Variants in SFTPB observed in about 807,000 individuals in gnomAD.
SFTPB encodes surfactant protein B.
A neutral mutation model predicts 51.0 loss-of-function variants in SFTPB; 32 were observed. The ratio of observed to expected loss-of-function variants is 0.63; its 90% CI spans 0.47 to 0.84. SFTPB has a LOEUF of 0.84. Ranked by LOEUF, SFTPB falls within the 40% of genes least tolerant of loss-of-function variation. The pLI, the probability that SFTPB is intolerant of heterozygous loss-of-function variation, is 0.00. For missense variants in SFTPB, 431 were observed against 491.2 expected (o/e 0.88, Z 1.16); for synonymous variants, 211 against 208.5 (o/e 1.01, Z -0.10).
intron 4 of SFTPB, 171 bp downstream of exon 4, chr2:85,666,422 GTTGTGTGTGTGTGTGTGTGTGTGT>G (rs1677621222): frequency 6.1e-5 from 32 of 526,974 alleles, no homozygotes; most frequent in Non-Finnish European, 8.6e-5. Context: ...CAGCTGGGGT[GTTGTGTGTGTGTGTGTGTGTGTGT>G]CCGGCTGGCT....
intron 6 of SFTPB, 104 bp downstream of exon 6, chr2:85,665,185 C>T: frequency 5.4e-6 from 5 of 921,756 alleles, no homozygotes; most frequent in Non-Finnish European, 9.0e-6. Context: ...TTCTGGCAGC[C>T]AGCTGGGTCC....
In SFTPB at chr2:85,663,818, C is replaced by T. The variant is rs1370591893; in HGVS notation, c.702G>A (p.Val234=). Residue 234 remains valine, a synonymous_variant, in exon 7 of 11, where the codon GTG becomes GTA. Transcript: ENST00000519937. ...KGALAVAVAQ[V]CRVVPLVAGG... ...CCGCCACCAGAGGTACCACGCGGCA[C>T]ACCTGGGCCACTGCCACAGCTAGCG... The T allele has an allele frequency of 6.3e-7, 1 of 1,595,612 alleles. No individual in the cohort carries two copies. The highest frequency in any genetic ancestry group is 1.1e-5 in the South Asian group (1 of 88,748).
intron 5 of SFTPB, 85 bp from the exon 6 acceptor site, chr2:85,665,463 C>G (rs1677525662): frequency 1.4e-6 from 2 of 1,438,776 alleles, no homozygotes; most frequent in African/African-American, 2.8e-5. Context: ...TCCTCCCTTT[C>G]TCTCCCTCCT....
rs1456422077 is a variant in SFTPB, at chr2:85,661,920, G to A, written c.1083+109C>T. On this transcript the variant is annotated intron_variant, in intron 9 of 10. Transcript: ENST00000519937. ...CCCAGTCCCTGGCCCGTGCACCTGGGACCACCTTGGACCCAGGGGAGTGAG... is the reference window on the plus strand; with the variant it reads ...CCCAGTCCCTGGCCCGTGCACCTGGAACCACCTTGGACCCAGGGGAGTGAG... 3 of 1,066,162 alleles carry A rather than the reference G, an allele frequency of 2.8e-6. No homozygotes were observed. The African/African-American group carries it at 4.7e-5, about 17-fold the overall frequency. 66.0% of individuals were successfully genotyped at this position (1,066,162 alleles called of 1,614,324 possible).
Position 85,663,293 on chromosome 2 carries a change from C to G in SFTPB, c.1002+53G>C, listed in dbSNP as rs1677400207. 1.2e-5 allele frequency: 19 copies of G among 1,601,234 alleles called. No homozygotes were observed. In the South Asian group the frequency reaches 2.1e-4, roughly 18 times the overall value. On this transcript the variant is annotated intron_variant, in intron 8 of 10. Transcript: ENST00000519937. The stretch of plus-strand genomic sequence containing the variant: ...GCTGCAAAGCCTTTCCTGGGCTCAG[C>G]CTTCTGCCTTGAACGGGCCCTGACC...
In SFTPB at chr2:85,663,562, T is replaced by C. The variant is rs573093239; in HGVS notation, c.857-71A>G. The C allele has an allele frequency of 3.1e-6, 5 of 1,600,246 alleles. No homozygotes were observed. In the African/African-American group the frequency reaches 4.0e-5, roughly 13 times the overall value. ...AGAGGTGTTTGGTTTCTGTCCTCCT[T>C]GGTGCATTGCAGTGGGACCACAGAG... On this transcript the variant is annotated intron_variant, in intron 7 of 10. Transcript: ENST00000519937.
At chr2:85,668,210 C>A (rs1677755601), upstream of SFTPB, 1 of 1,550,364 alleles carries the variant, frequency 6.5e-7, no homozygotes, top group South Asian at 1.2e-5. Flanking sequence ...GGGTACCCTG[C>A]TTGGTGCATG....
At chr2:85,660,288 ATTTTTTTTT>A (rs60518418) in intron 10 of SFTPB, among the ~76,000 whole-genome samples, 51 of 80,562 alleles carry the variant, frequency 6.3e-4, no homozygotes, top group Admixed American at 9.9e-4. Context: ...CATCTGGCTA[ATTTTTTTTT>A]TTTTTTTTTT....
At chr2:85,666,246 TGTGTCTGG>T (rs1292169067) in intron 4 of SFTPB, among the ~76,000 whole-genome samples, 6 of 135,762 alleles carry the variant, frequency 4.4e-5, no homozygotes, top group African/African-American at 1.7e-4. Flanking sequence ...TGTGTGTGTG[TGTGTCTGG>T]CTGGCTGGGG....
intron 4 of SFTPB, among the ~76,000 whole-genome samples, chr2:85,666,214 GCT>G (rs1491508315): frequency 9.6e-6 from 1 of 104,226 alleles, no homozygotes; most frequent in Non-Finnish European, 2.0e-5. Context: ...CTGTGTGTGT[GCT>G]GTGTGTGTGT....
Position 85,657,544 on chromosome 2 carries a change from GC to G in SFTPB, c.*2157del, listed in dbSNP as rs1281405509. On this transcript the variant is annotated 3_prime_UTR_variant, in exon 11 of 11. Coordinates refer to ENST00000519937, the MANE Select transcript of SFTPB (RefSeq NM_000542.5). ...GGCGCTTGAACGGTGGAGGTGTGGA[GC>G]CAGAGGCTGTGGGGAGAAGATGGAA... 6.6e-6 allele frequency: 1 copy of G among 152,188 alleles called. No homozygotes were observed. The highest frequency in any genetic ancestry group is 6.5e-5 in the Admixed American group (1 of 15,274). The allele number at this position is 152,188 out of a possible 1,614,324, so 9.4% of individuals were successfully genotyped here.
rs1266354696 is a variant in SFTPB at position 85,668,104 on chromosome 2, G to T, written c.67+13C>A. 3.9e-6 allele frequency: 6 copies of T among 1,542,570 alleles called. No homozygotes were observed. Among genetic ancestry groups the T allele is most frequent in the Admixed American group, 3.9e-5 (2 of 50,938 alleles). ...GGAGCTGCCTAGGAGAGGGGAGGCT[G>T]GGGGAGACTCACCAGTGCCTGGGCC... On this transcript the variant is annotated intron_variant, in intron 1 of 10. Transcript: ENST00000519937.
intron 3 of SFTPB, 132 bp downstream of exon 3, chr2:85,666,974 G>T: frequency 2.1e-6 from 2 of 957,318 alleles, no homozygotes; most frequent in Non-Finnish European, 3.3e-6. Context: ...CAGCCAGGAG[G>T]AGCTGGGACT....
In SFTPB at chr2:85,665,985, C is replaced by T. The variant is rs34263487; in HGVS notation, c.394-191G>A. On this transcript the variant is annotated intron_variant, in intron 4 of 10. Coordinates refer to ENST00000519937, the MANE Select transcript of SFTPB (RefSeq NM_000542.5). ...GTGTGGGGACTTTAGGGCAGGTGGC[C>T]GGGATTGTGTGTGAATGAGCATGAG... Among the ~76,000 whole-genome samples the T allele has an allele frequency of 0.018, 2,804 of 151,904 alleles. 81 individuals carry two copies. Among genetic ancestry groups the T allele is most frequent in the African/African-American group, 0.064 (2,651 of 41,390 alleles).
At chr2:85,661,590 C>G in intron 9 of SFTPB, 55 bp from the exon 10 acceptor site, 2 of 1,453,082 alleles carry the variant, frequency 1.4e-6, no homozygotes, top group Non-Finnish European at 1.9e-6. Flanking sequence ...CTCCCCACAC[C>G]CAGCTCTTCC....
intron 5 of SFTPB, 89 bp downstream of exon 5, chr2:85,665,517 G>A: frequency 2.7e-6 from 4 of 1,508,310 alleles, no homozygotes; most frequent in South Asian, 1.1e-5. Flanking sequence ...TCCCGGCTCT[G>A]CCTCTCCCAG....
rs141905538 is a variant in SFTPB, at chr2:85,666,649, G to T, written c.361C>A (p.Pro121Thr). 5 of 1,613,804 alleles carry T rather than the reference G, an allele frequency of 3.1e-6. No individual in the cohort carries two copies. The highest frequency in any genetic ancestry group is 1.3e-5 in the African/African-American group (1 of 74,946). Residue 121 changes from proline to threonine, a missense_variant, in exon 4 of 11, where the codon CCC (proline) becomes ACC (threonine). Physicochemically the swap from Pro to Thr is conservative, Grantham distance 38. Coordinates refer to ENST00000519937, the MANE Select transcript of SFTPB (RefSeq NM_000542.5). ...QCNQVLDDYF[P>T]LVIDYFQNQT... ...TTCTGGAAGTAGTCGATGACCAGGG[G>T]GAAGTAGTCGTCAAGCACTTGGTTG...
intron 8 of SFTPB, chr2:85,662,397 A>G (rs1336946275): frequency 1.2e-5 from 11 of 885,218 alleles, no homozygotes; most frequent in Non-Finnish European, 1.4e-5. Flanking sequence ...CAGTTCTAGA[A>G]GGAAACTTAA....
Position 85,663,737 on chromosome 2 carries a change from C to G in SFTPB, c.783G>C (p.Leu261=), listed in dbSNP as rs1237437224. ...CCAGCTGGGGCAGCATGCGGCCCAG[C>G]AGCGTGTCGAGCAGGATGACGGAGT... is the stretch of plus-strand genomic sequence containing the variant. ...ERYSVILLDT[L]LGRMLPQLVC... The change falls in exon 7 of 11, where the codon CTG becomes CTC. Residue 261 remains leucine, a synonymous_variant. Coordinates refer to ENST00000519937, the MANE Select transcript of SFTPB (RefSeq NM_000542.5). The G allele has an allele frequency of 6.2e-7, 1 of 1,611,168 alleles. No homozygotes were observed. The highest frequency in any genetic ancestry group is 1.1e-5 in the South Asian group (1 of 90,542).
Sources: gnomAD v4.1 joint callset for allele counts (sites outside exome capture counted in the v4.1 genomes callset) on GRCh38, gnomAD v4.1.1 for gene constraint, MANE v1.5 for transcripts, NCBI Gene and HGNC (gene_info 2026-07-23, HGNC 2026-07-21) for gene names.